The following NBEA variants were observed in gnomAD, a reference collection of about 807,000 sequenced individuals.
NBEA encodes the protein neurobeachin.
NBEA carries 44 observed loss-of-function variants against 343.4 expected under a neutral mutation model. That is an observed-to-expected ratio of 0.13 (90% CI 0.10 to 0.16). The LOEUF (loss-of-function observed/expected upper bound fraction) is 0.16. Ranked by LOEUF, NBEA falls within the 10% of genes least tolerant of loss-of-function variation. The pLI, the probability that NBEA is intolerant of heterozygous loss-of-function variation, is 1.00. For synonymous variants in NBEA, 1,175 were observed against 1,238.7 expected (o/e 0.95, Z 1.08); for missense variants, 2,555 against 3,631.3 (o/e 0.70, Z 7.62).
At chr13:35,284,495 T>C (rs984136863) in intron 34 of NBEA, among the ~76,000 whole-genome samples, 2 of 152,152 alleles carry the variant, frequency 1.3e-5, no homozygotes, top group Non-Finnish European at 2.9e-5. Context: ...TTGATTCCAT[T>C]TGTAATACAG....
chr13:35,374,611 C>A (rs553302328), intron 38 of NBEA, among the ~76,000 whole-genome samples: 2 of 151,988 alleles, frequency 1.3e-5, no homozygotes, highest in Admixed American at 1.3e-4. Context: ...CAAAATCCTG[C>A]AGTTTTATGA....
At chr13:35,125,485 A>C (rs1432464792) in intron 17 of NBEA, among the ~76,000 whole-genome samples, 2 of 152,222 alleles carry the variant, frequency 1.3e-5, no homozygotes, top group African/African-American at 2.4e-5. Context: ...GAAAAGGAGA[A>C]GATATATCAC....
At chr13:35,128,617 A>G (rs2067253149) in intron 17 of NBEA, among the ~76,000 whole-genome samples, 1 of 152,092 alleles carries the variant, frequency 6.6e-6, no homozygotes, top group Non-Finnish European at 1.5e-5. Context: ...GCTCTGCCTG[A>G]CACTACCTGC....
chr13:35,441,615 A>T (rs1335666114), intron 39 of NBEA, among the ~76,000 whole-genome samples: 1 of 152,078 alleles, frequency 6.6e-6, no homozygotes. Flanking sequence ...TTGCTGCTCC[A>T]TCAGTGATCA....
chr13:34,974,671 AAT>A (rs2060107809), intron 1 of NBEA, among the ~76,000 whole-genome samples: 1 of 152,200 alleles, frequency 6.6e-6, no homozygotes, highest in Admixed American at 6.5e-5. Context: ...ATGGGAAAAT[AAT>A]ATTTTAGGGA....
chr13:35,066,188 T>A (rs2063646390), intron 8 of NBEA, among the ~76,000 whole-genome samples: 1 of 152,114 alleles, frequency 6.6e-6, no homozygotes, highest in African/African-American at 2.4e-5. Flanking sequence ...TTTGAACTCC[T>A]GGCCTCAAGT....
chr13:34,969,187 C>T (rs2059920065), intron 1 of NBEA, among the ~76,000 whole-genome samples: 1 of 151,414 alleles, frequency 6.6e-6, no homozygotes, highest in African/African-American at 2.4e-5. Flanking sequence ...GAGTTTTATT[C>T]CTCTGACTTA....
At chr13:35,321,332 C>G (rs2038125831) in intron 36 of NBEA, among the ~76,000 whole-genome samples, 2 of 152,022 alleles carry the variant, frequency 1.3e-5, no homozygotes, top group Non-Finnish European at 2.9e-5. Context: ...GTTAGTTTTC[C>G]TTCTAAGAGT....
At chr13:35,651,119 A>G (rs2084501649) in intron 52 of NBEA, among the ~76,000 whole-genome samples, 1 of 152,224 alleles carries the variant, frequency 6.6e-6, no homozygotes, top group African/African-American at 2.4e-5. Context: ...ACTACAAAGG[A>G]CTAAATTTTT....
intron 1 of NBEA, among the ~76,000 whole-genome samples, chr13:34,989,492 A>C (rs1042471051): frequency 6.6e-6 from 1 of 150,808 alleles, no homozygotes; most frequent in Non-Finnish European, 1.5e-5. Flanking sequence ...GAAGTGCTAC[A>C]TATTCTTAAA....
At chr13:35,232,321 T>G (rs2075020506) in intron 33 of NBEA, among the ~76,000 whole-genome samples, 171 bp from the exon 34 acceptor site, 1 of 152,168 alleles carries the variant, frequency 6.6e-6, no homozygotes. Flanking sequence ...TCAGTAGCCT[T>G]ATGACTGTTT....
At chr13:35,298,209 GTGTATATATATATATATA>G (rs1232714196) in intron 35 of NBEA, among the ~76,000 whole-genome samples, 933 of 60,836 alleles carry the variant, frequency 0.015, 16 homozygotes, top group African/African-American at 0.036. Flanking sequence ...GTGTGTGTGT[GTGTATATATATATATATA>G]TATATATATA....
chr13:35,150,935 G>C lies in NBEA; in HGVS notation c.2446-4839G>C, dbSNP rs920488425. ...GTTTAAGACCAGCCTATCCAACATG[G>C]TGAAACCCAGTCTCTACTAAAAATA... On this transcript the variant is annotated intron_variant, in intron 18 of 58. Coordinates refer to ENST00000379939, the MANE Select transcript of NBEA (RefSeq NM_001385012.1). Among the ~76,000 whole-genome samples the C allele has an allele frequency of 3.3e-5, 5 of 151,808 alleles. No individual in the cohort carries two copies. The South Asian group carries it at 1.0e-3, about 32-fold the overall frequency.
chr13:34,989,808 C>T (rs1349899496), intron 1 of NBEA, among the ~76,000 whole-genome samples: 1 of 150,830 alleles, frequency 6.6e-6, no homozygotes, highest in Non-Finnish European at 1.5e-5. Context: ...CGTCTATTTG[C>T]CTATGAGCCT....
intron 7 of NBEA, among the ~76,000 whole-genome samples, chr13:35,058,009 G>T (rs916652212): frequency 6.6e-6 from 1 of 152,044 alleles, no homozygotes; most frequent in Non-Finnish European, 1.5e-5. Context: ...TAGCCTGTGG[G>T]GATAGGAGAA....
At chr13:34,957,060 T>C (rs2059519883) in intron 1 of NBEA, among the ~76,000 whole-genome samples, 1 of 151,730 alleles carries the variant, frequency 6.6e-6, no homozygotes, top group Non-Finnish European at 1.5e-5. Flanking sequence ...CACACATATA[T>C]ACATACATAT....
At chr13:35,310,745 G>A (rs2037306218) in intron 36 of NBEA, among the ~76,000 whole-genome samples, 2 of 151,990 alleles carry the variant, frequency 1.3e-5, no homozygotes, top group Non-Finnish European at 2.9e-5. Flanking sequence ...ATGATTATTT[G>A]GCATGACCTA....
At chr13:35,413,380 T>G (rs1292444965) in intron 38 of NBEA, among the ~76,000 whole-genome samples, 1 of 152,144 alleles carries the variant, frequency 6.6e-6, no homozygotes, top group Non-Finnish European at 1.5e-5. Context: ...AGTAAAATAT[T>G]CCTTTGTTTA....
intron 1 of NBEA, among the ~76,000 whole-genome samples, chr13:34,948,515 A>G (rs1157334502): frequency 6.6e-6 from 1 of 152,204 alleles, no homozygotes; most frequent in Non-Finnish European, 1.5e-5. Context: ...TAACCATTAA[A>G]TTATCTCCTT....
Sources: gnomAD v4.1 joint callset for allele counts (sites outside exome capture counted in the v4.1 genomes callset) on GRCh38, gnomAD v4.1.1 for gene constraint, MANE v1.5 for transcripts, NCBI Gene and HGNC (gene_info 2026-07-23, HGNC 2026-07-21) for gene names.